Variants in OXR1 observed in about 807,000 individuals in gnomAD.
OXR1 encodes the protein oxidation resistance 1.
Under a neutral mutation model 104.6 loss-of-function variants are expected in OXR1, and 41 were observed. The observed-to-expected ratio is 0.39, with a 90% CI of 0.31 to 0.51. OXR1 has a LOEUF of 0.51. OXR1 is among the 20% of genes least tolerant of loss of function. OXR1 has a pLI of 0.77. For synonymous variants in OXR1, 348 were observed against 348.4 expected, an observed-to-expected ratio of 1.00 and a Z score of 0.01; for missense variants, 955 against 1,031.9, an observed-to-expected ratio of 0.93 and a Z score of 1.02.
chr8:106,560,383 G>A (rs187633123), intron 3 of OXR1, among the ~76,000 whole-genome samples: 1 of 152,210 alleles, frequency 6.6e-6, no homozygotes, highest in African/African-American at 2.4e-5. Context: ...CCACCCTTAA[G>A]CCCATCTTGA....
At chr8:106,577,459 G>A (rs1475422815) in intron 3 of OXR1, among the ~76,000 whole-genome samples, 2 of 137,914 alleles carry the variant, frequency 1.5e-5, no homozygotes, top group African/African-American at 2.8e-5. Flanking sequence ...GCATCATCTC[G>A]GCTCACTGCA....
chr8:106,502,046 T>C (rs1035522654), intron 2 of OXR1, among the ~76,000 whole-genome samples: 2 of 152,218 alleles, frequency 1.3e-5, no homozygotes, highest in East Asian at 3.8e-4. Context: ...TCCAGAAATG[T>C]TTCTTTTGAT....
chr8:106,705,507 C>G (rs1022818786), intron 8 of OXR1, among the ~76,000 whole-genome samples: 1 of 152,070 alleles, frequency 6.6e-6, no homozygotes, highest in African/African-American at 2.4e-5. Context: ...TACAATCTTT[C>G]CTTTTCAGCA....
chr8:106,294,112 G>A (rs541816369), intron 1 of OXR1, among the ~76,000 whole-genome samples: 1 of 151,882 alleles, frequency 6.6e-6, no homozygotes, highest in South Asian at 2.1e-4. Flanking sequence ...AGAAAGGCCA[G>A]GGACAATGGC....
chr8:106,279,387 G>C (rs912525102), intron 1 of OXR1, among the ~76,000 whole-genome samples: 3 of 152,088 alleles, frequency 2.0e-5, no homozygotes, highest in Non-Finnish European at 4.4e-5. Context: ...ACTGTATTAA[G>C]AGTTTTGTGT....
chr8:106,293,898 A>C (rs887822451), intron 1 of OXR1, among the ~76,000 whole-genome samples: 3 of 152,002 alleles, frequency 2.0e-5, no homozygotes, highest in Non-Finnish European at 2.9e-5. Context: ...AGCTTCCAAC[A>C]AATGAATTTT....
intron 11 of OXR1, among the ~76,000 whole-genome samples, chr8:106,717,066 G>T (rs1318521764): frequency 6.6e-6 from 1 of 152,090 alleles, no homozygotes; most frequent in Non-Finnish European, 1.5e-5. Context: ...CACGCCTGTA[G>T]TCCCAGTTGC....
intron 11 of OXR1, among the ~76,000 whole-genome samples, chr8:106,735,680 T>G (rs183515151): frequency 1.3e-5 from 2 of 152,236 alleles, no homozygotes; most frequent in East Asian, 3.9e-4. Context: ...AAAAATATAA[T>G]TGGCCATTAA....
chr8:106,697,875 C>T, intron 7 of OXR1: 1 of 1,612,392 alleles, frequency 6.2e-7, no homozygotes, highest in South Asian at 1.1e-5. Flanking sequence ...CGCGTCCAGG[C>T]TGGGACCGGC....
intron 2 of OXR1, among the ~76,000 whole-genome samples, chr8:106,371,924 G>T (rs979366160): frequency 6.6e-6 from 1 of 152,342 alleles, no homozygotes; most frequent in Admixed American, 6.5e-5. Context: ...AGAGAAATGG[G>T]TGCTGCCCTT....
chr8:106,745,689 G>A, intron 15 of OXR1, 100 bp from the exon 16 acceptor site: 4 of 560,838 alleles, frequency 7.1e-6, no homozygotes, highest in Non-Finnish European at 1.2e-5. Flanking sequence ...TTCTTATACT[G>A]CCAGTCTTGG....
intron 3 of OXR1, among the ~76,000 whole-genome samples, chr8:106,534,596 G>C (rs1259737602): frequency 2.0e-5 from 3 of 152,204 alleles, no homozygotes; most frequent in African/African-American, 7.2e-5. Context: ...CAGATGTACA[G>C]ACACAAAAAC....
chr8:106,485,488 A>G (rs1160631066), intron 2 of OXR1, among the ~76,000 whole-genome samples: 2 of 152,104 alleles, frequency 1.3e-5, no homozygotes, highest in African/African-American at 4.8e-5. Flanking sequence ...TTCATTTATC[A>G]AATAGTTATT....
chr8:106,433,168 G>A (rs1194488499), intron 2 of OXR1, among the ~76,000 whole-genome samples: 5 of 152,190 alleles, frequency 3.3e-5, no homozygotes, highest in Admixed American at 2.6e-4. Context: ...ATAGGGGCTT[G>A]GGAAGTGGGG....
intron 1 of OXR1, among the ~76,000 whole-genome samples, chr8:106,340,220 GAA>G (rs10611410): frequency 0.38 from 45,720 of 121,348 alleles, 9,501 homozygotes; most frequent in African/African-American, 0.64. Context: ...TGAGGGAAAA[GAA>G]AAAAAAAAAA....
intron 2 of OXR1, among the ~76,000 whole-genome samples, chr8:106,490,485 A>C (rs1193838111): frequency 6.6e-6 from 1 of 152,068 alleles, no homozygotes; most frequent in African/African-American, 2.4e-5. Context: ...CAGCCTCCCT[A>C]GTAGCTGGGA....
At chr8:106,307,581 G>T (rs1224695833) in intron 1 of OXR1, among the ~76,000 whole-genome samples, 24 of 150,564 alleles carry the variant, frequency 1.6e-4, no homozygotes, top group Non-Finnish European at 3.0e-5. Flanking sequence ...TTGTTGTTCT[G>T]TTTTAATCTG....
intron 1 of OXR1, among the ~76,000 whole-genome samples, chr8:106,350,862 G>A (rs1815695224): frequency 6.6e-6 from 1 of 152,096 alleles, no homozygotes; most frequent in African/African-American, 2.4e-5. Context: ...ACTCCACTTT[G>A]CATATACAAA....
intron 8 of OXR1, among the ~76,000 whole-genome samples, chr8:106,706,147 T>C (rs994672581): frequency 6.6e-6 from 1 of 152,174 alleles, no homozygotes; most frequent in Admixed American, 6.5e-5. Flanking sequence ...TCCTAAATAT[T>C]AAGCAATTGA....
Sources: allele counts gnomAD v4.1 joint callset (sites outside exome capture counted in the v4.1 genomes callset), GRCh38; gene constraint gnomAD v4.1.1; transcripts MANE v1.5; gene names NCBI Gene and HGNC (gene_info 2026-07-23, HGNC 2026-07-21).